Variants in ZYG11B observed in about 807,000 individuals in gnomAD.
ZYG11B encodes protein zyg-11 homolog B.
In ZYG11B, 36 loss-of-function variants were observed where a neutral mutation model predicts 82.4. The observed-to-expected ratio is 0.44, with a 90% CI of 0.33 to 0.58. The LOEUF (loss-of-function observed/expected upper bound fraction) is 0.58, where lower values mean the gene tolerates loss of function less well. ZYG11B is among the 20% of genes least tolerant of loss of function. ZYG11B has a pLI of 0.02. For synonymous variants in ZYG11B, 303 were observed against 312.8 expected, an observed-to-expected ratio of 0.97 and a Z score of 0.33; for missense variants, 552 against 895.6, an observed-to-expected ratio of 0.62 and a Z score of 4.90.
At chr1:52,767,815 G>A (rs1242143229) in intron 2 of ZYG11B, among the ~76,000 whole-genome samples, 1 of 152,198 alleles carries the variant, frequency 6.6e-6, no homozygotes, top group Non-Finnish European at 1.5e-5. Flanking sequence ...TTGGGCAGTT[G>A]TGAAAGTCCT....
Position 52,771,809 on chromosome 1 carries a change from G to T in ZYG11B, c.951+35G>T. The T allele has an allele frequency of 1.3e-6, 2 of 1,571,356 alleles. No individual in the cohort carries two copies. Among genetic ancestry groups the T allele is most frequent in the South Asian group, 2.4e-5 (2 of 83,602 alleles). On this transcript the variant is annotated intron_variant, in intron 3 of 13. Coordinates refer to ENST00000294353, the MANE Select transcript of ZYG11B (RefSeq NM_024646.3). The surrounding 1 kb of genome is among the most constrained non-coding windows in gnomAD (Gnocchi z 5.4). ...TAAAAATGTATTATTTTGTCAGGCT[G>T]ACCAATATCTTAGTTGCATAAGACT...
At chr1:52,744,876 T>A (rs1054577064) in intron 1 of ZYG11B, among the ~76,000 whole-genome samples, 1 of 152,192 alleles carries the variant, frequency 6.6e-6, no homozygotes, top group Admixed American at 6.6e-5. Context: ...GTCATTTTTG[T>A]GCCTCAGCTT....
intron 6 of ZYG11B, among the ~76,000 whole-genome samples, chr1:52,791,795 C>A (rs544149103): frequency 6.6e-6 from 1 of 152,144 alleles, no homozygotes; most frequent in Non-Finnish European, 1.5e-5. Flanking sequence ...AATATAACTA[C>A]GTATATCTCA....
At chr1:52,760,742 G>A (rs1644623096) in intron 2 of ZYG11B, among the ~76,000 whole-genome samples, 1 of 147,332 alleles carries the variant, frequency 6.8e-6, no homozygotes, top group Non-Finnish European at 1.5e-5. Flanking sequence ...ACAGGCATGA[G>A]CCAACATGCC....
In ZYG11B at chr1:52,802,672, A is replaced by C. The variant is rs907592798; in HGVS notation, c.1695+533A>C. On this transcript the variant is annotated intron_variant, in intron 10 of 13. Coordinates refer to ENST00000294353, the MANE Select transcript of ZYG11B (RefSeq NM_024646.3). Reference sequence around the variant, plus strand: ...GCAGTGGCAATTTTTGACAATTTCTAGGCGAATGAACAAAAAAAGAAAGAG... The same window carrying C: ...GCAGTGGCAATTTTTGACAATTTCTCGGCGAATGAACAAAAAAAGAAAGAG... Among the ~76,000 whole-genome samples, 4 of 151,568 alleles carry C rather than the reference A, an allele frequency of 2.6e-5. No homozygotes were observed. In the South Asian group the frequency reaches 8.4e-4, roughly 32 times the overall value.
chr1:52,787,091 C>A (rs1342219801), intron 5 of ZYG11B, among the ~76,000 whole-genome samples: 1 of 147,220 alleles, frequency 6.8e-6, no homozygotes. Context: ...ACTCTTGTCT[C>A]AAAAAAAAAA....
At chr1:52,741,321 A>AAAGT (rs1553257632) in intron 1 of ZYG11B, among the ~76,000 whole-genome samples, 8 of 125,480 alleles carry the variant, frequency 6.4e-5, no homozygotes, top group Non-Finnish European at 1.2e-4. Context: ...AAAAAAAAAG[A>AAAGT]AAAGAAAAGA....
intron 2 of ZYG11B, among the ~76,000 whole-genome samples, chr1:52,763,438 G>T (rs927954584): frequency 5.3e-5 from 8 of 152,042 alleles, no homozygotes; most frequent in Non-Finnish European, 1.2e-4. Flanking sequence ...AAGAGGCAGG[G>T]TCTCGCTTTG....
At position 52,801,831 on chromosome 1, in the gene ZYG11B, A is replaced by G; in HGVS notation, c.1498A>G (p.Ile500Val). 1 of 1,584,476 alleles carries G rather than the reference A, an allele frequency of 6.3e-7. No homozygotes were observed. Among genetic ancestry groups the G allele is most frequent in the Non-Finnish European group, 8.5e-7 (1 of 1,171,468 alleles). ...TTTTTTTTTTCAGCAACTTCTTCAA[A>G]TAGTGAAGCAGAAAACCAATCAAAA... ...ELFIVRQLLQ[I>V]VKQKTNQNSV... The change falls in exon 9 of 14, where the codon ATA (isoleucine) becomes GTA (valine). Residue 500 changes from isoleucine (I) to valine (V), a missense_variant. By Grantham distance (29) the Ile-to-Val change is conservative. Transcript: ENST00000294353.
At chr1:52,814,038 TTGAGACAG>T in intron 12 of ZYG11B, 126 bp downstream of exon 12, 1 of 899,776 alleles carries the variant, frequency 1.1e-6, no homozygotes, top group African/African-American at 1.7e-5. Context: ...TTTATTTATT[TTGAGACAG>T]AGTTTCACTC....
rs147763771 is a variant in ZYG11B, at chr1:52,824,005, T to G, written c.*2376T>G. On this transcript the variant is annotated 3_prime_UTR_variant, in exon 14 of 14. Transcript: ENST00000294353. ...AACTAGCTGGGCATGGTGGCTTTTT[T>G]GCACGCCTATAGTCCCAGCTACTCG... 1 of 152,242 alleles carries G rather than the reference T, an allele frequency of 6.6e-6. No individual in the cohort carries two copies. Among genetic ancestry groups the G allele is most frequent in the East Asian group, 1.9e-4 (1 of 5,154 alleles). The allele number at this position is 152,242 out of a possible 1,614,324, so 9.4% of individuals were successfully genotyped here.
intron 6 of ZYG11B, among the ~76,000 whole-genome samples, chr1:52,791,493 C>G (rs530192592): frequency 4.6e-5 from 7 of 151,622 alleles, no homozygotes; most frequent in Non-Finnish European, 1.0e-4. Flanking sequence ...TTTAGCCTCC[C>G]AAATAGCTGG....
chr1:52,822,459 T>C lies in ZYG11B; in HGVS notation c.*830T>C, dbSNP rs936931346. 2 of 152,246 alleles carry C rather than the reference T, an allele frequency of 1.3e-5. No individual in the cohort carries two copies. The highest frequency in any genetic ancestry group is 2.9e-5 in the Non-Finnish European group (2 of 68,048). 9.4% of individuals were successfully genotyped at this position (152,246 alleles called of 1,614,324 possible). A position where few individuals can be genotyped will look rare whatever the true frequency, so the allele number is the denominator to read the frequency against. ...GTCTACATCTCCATATGTTGTAGTG[T>C]TGTGAAAATGTGATTTTAAAAAATT... On this transcript the variant is annotated 3_prime_UTR_variant, in exon 14 of 14. Transcript: ENST00000294353.
At chr1:52,801,775 AC>A in intron 8 of ZYG11B, 43 bp from the exon 9 acceptor site, 1 of 1,493,980 alleles carries the variant, frequency 6.7e-7, no homozygotes, top group Admixed American at 2.1e-5. Context: ...AATTGTAATA[AC>A]AGTTCAAAAG....
At chr1:52,788,040 T>C (rs1644928377) in intron 5 of ZYG11B, among the ~76,000 whole-genome samples, 1 of 152,138 alleles carries the variant, frequency 6.6e-6, no homozygotes, top group Non-Finnish European at 1.5e-5. Context: ...ACAGTGGACC[T>C]ATGCCTACAT....
chr1:52,823,555 C>A lies in ZYG11B; in HGVS notation c.*1926C>A, dbSNP rs1645301637. 1 of 139,760 alleles carries A rather than the reference C, an allele frequency of 7.2e-6. No individual in the cohort carries two copies. The allele number at this position is 139,760 out of a possible 1,614,324, so 8.7% of individuals were successfully genotyped here. A position where few individuals can be genotyped will look rare whatever the true frequency, so the allele number is the denominator to read the frequency against. On this transcript the variant is annotated 3_prime_UTR_variant, in exon 14 of 14. Coordinates refer to ENST00000294353, the MANE Select transcript of ZYG11B (RefSeq NM_024646.3). ...TTTTTCCTTTTTCGAATGTTAATGT[C>A]TAAGACAAAGTTCAGAAAACGAGAT...
At chr1:52,774,739 C>T (rs1644789983) in intron 3 of ZYG11B, among the ~76,000 whole-genome samples, 1 of 151,014 alleles carries the variant, frequency 6.6e-6, no homozygotes, top group African/African-American at 2.4e-5. Context: ...GGCTTTCTTA[C>T]CATAGAATTT....
intron 2 of ZYG11B, among the ~76,000 whole-genome samples, chr1:52,767,612 T>G (rs1300724105): frequency 6.6e-6 from 1 of 151,932 alleles, no homozygotes; most frequent in East Asian, 1.9e-4. Flanking sequence ...CAGATTAGGG[T>G]TAATGTTCTT....
chr1:52,743,878 C>T (rs1383748222), intron 1 of ZYG11B, among the ~76,000 whole-genome samples: 1 of 152,076 alleles, frequency 6.6e-6, no homozygotes, highest in African/African-American at 2.4e-5. Flanking sequence ...GTTAAGTCCC[C>T]TCTACAGGTG....
Sources: allele counts gnomAD v4.1 joint callset (sites outside exome capture counted in the v4.1 genomes callset), GRCh38; gene constraint gnomAD v4.1.1; non-coding constraint Gnocchi (gnomAD v3.1); transcripts MANE v1.5; gene names NCBI Gene and HGNC (gene_info 2026-07-23, HGNC 2026-07-21).